BLZF1: variants seen among roughly 807,000 people sequenced by gnomAD.
BLZF1 encodes the protein basic leucine zipper nuclear factor 1.
Under a neutral mutation model 43.8 loss-of-function variants are expected in BLZF1, and 39 were observed. The ratio of observed to expected loss-of-function variants is 0.89; its 90% confidence interval spans 0.69 to 1.16. The LOEUF (loss-of-function observed/expected upper bound fraction) is 1.16. Ranked by LOEUF, BLZF1 falls within the 50% of genes most tolerant of loss-of-function variation. The probability of loss-of-function intolerance (pLI) is 0.00; values close to 1 mark genes in which losing one functional copy is unlikely to be tolerated. For missense variants in BLZF1, 449 were observed against 469.8 expected, an observed-to-expected ratio of 0.96 and a Z score of 0.41; for synonymous variants, 136 against 159.4, an observed-to-expected ratio of 0.85 and a Z score of 1.11.
At chr1:169,382,541 T>C (rs368586944) in intron 6 of BLZF1, among the ~76,000 whole-genome samples, 43 of 152,342 alleles carry the variant, frequency 2.8e-4, no homozygotes, top group African/African-American at 9.9e-4. Flanking sequence ...AAGTCACTGA[T>C]AATCCTTTTC....
intron 3 of BLZF1, 79 bp downstream of exon 3, chr1:169,377,058 A>G (rs765996168): frequency 1.8e-5 from 21 of 1,162,712 alleles, no homozygotes; most frequent in Non-Finnish European, 2.5e-5. Context: ...AGAAAACTAC[A>G]TTTCTTTATG....
intron 6 of BLZF1, 129 bp downstream of exon 6, chr1:169,382,410 G>C: frequency 2.7e-6 from 2 of 744,158 alleles, no homozygotes; most frequent in Non-Finnish European, 4.3e-6. Flanking sequence ...ATGCTATTGA[G>C]TGTGTTATCT....
intron 7 of BLZF1, among the ~76,000 whole-genome samples, chr1:169,394,448 ATAGT>A (rs774815703): frequency 2.0e-5 from 3 of 152,112 alleles, no homozygotes; most frequent in Non-Finnish European, 4.4e-5. Flanking sequence ...ATAGTACCCA[ATAGT>A]TAGTTTTTCA....
rs1557849139 is a variant in BLZF1 at position 169,380,507 on chromosome 1, C to G, written c.695C>G (p.Ser232Ter). 6.2e-7 allele frequency: 1 copy of G among 1,612,152 alleles called. No homozygotes were observed. Among genetic ancestry groups the G allele is most frequent in the Non-Finnish European group, 8.5e-7 (1 of 1,178,646 alleles). The change falls in exon 5 of 7, where the codon TCA becomes TGA. Residue 232 changes from serine to a stop codon, truncating the protein, a stop_gained. Coordinates refer to ENST00000367808, the MANE Select transcript of BLZF1 (RefSeq NM_001320973.2). LOFTEE classifies it high-confidence loss of function. ...SRVMADELTN[S>*]RAALQRQNRD... ...GTAATGGCAGATGAGTTAACCAACT[C>G]AAGAGCAGCTTTACAGCGTCAAAAC...
chr1:169,391,685 T>G (rs972748432), downstream of BLZF1, among the ~76,000 whole-genome samples: 42 of 152,336 alleles, frequency 2.8e-4, 1 homozygote, highest in Non-Finnish European at 4.6e-4. Flanking sequence ...TGCATTCATC[T>G]AAGGATGTAA....
At chr1:169,386,052 G>T (rs1654658283) in intron 6 of BLZF1, among the ~76,000 whole-genome samples, 1 of 152,172 alleles carries the variant, frequency 6.6e-6, no homozygotes, top group Non-Finnish European at 1.5e-5. Flanking sequence ...AGCCAGGCAC[G>T]TTATCCCTGC....
chr1:169,371,940 G>C (rs1412199471), intron 2 of BLZF1, among the ~76,000 whole-genome samples: 2 of 152,126 alleles, frequency 1.3e-5, no homozygotes, highest in Admixed American at 6.6e-5. Flanking sequence ...TTTGATAAAT[G>C]CTGTATTAAA....
Position 169,378,494 on chromosome 1 carries a change from G to C in BLZF1, c.633G>C (p.Gln211His), listed in dbSNP as rs760138829. 43 of 1,612,548 alleles carry C rather than the reference G, an allele frequency of 2.7e-5. 1 individual carries two copies. In the South Asian group the frequency reaches 4.7e-4, roughly 18 times the overall value. The change falls in exon 4 of 7, where the codon CAG (glutamine) becomes CAC (histidine). Residue 211 changes from glutamine to histidine, a missense_variant. Gln to His is a conservative substitution (Grantham distance 24, BLOSUM62 0). Coordinates refer to ENST00000367808, the MANE Select transcript of BLZF1 (RefSeq NM_001320973.2). Reference sequence around the variant, plus strand: ...AACAGTTAGAACGTATGTCAATACAGTGTGATGTATGGCGAAGTAAATTCC... The same window carrying C: ...AACAGTTAGAACGTATGTCAATACACTGTGATGTATGGCGAAGTAAATTCC... The part of the protein sequence containing the change: ...LSEQLERMSI[Q>H]CDVWRSKFLA...
intron 7 of BLZF1, among the ~76,000 whole-genome samples, chr1:169,395,420 T>C (rs1302624016): frequency 6.6e-6 from 1 of 152,236 alleles, no homozygotes; most frequent in Non-Finnish European, 1.5e-5. Flanking sequence ...ATGTTTGAAA[T>C]TGTCTGTCTT....
chr1:169,383,498 G>A (rs961940394), intron 6 of BLZF1, among the ~76,000 whole-genome samples: 30 of 152,156 alleles, frequency 2.0e-4, no homozygotes, highest in African/African-American at 6.5e-4. Context: ...TCTTGGACAA[G>A]TTGTCCAGAC....
In BLZF1 at chr1:169,376,958, C is replaced by A. The variant is rs1654376603; in HGVS notation, c.447C>A (p.Asn149Lys). Reference protein sequence around the residue: ...RLLQDKEGLSNQLRVQTEVNR... With the variant: ...RLLQDKEGLSKQLRVQTEVNR... ...TACAGGACAAAGAAGGTCTTTCAAA[C>A]CAGCTCCGTGTACAGACAGAGGTAA... is the stretch of plus-strand genomic sequence containing the variant. Residue 149 changes from asparagine to lysine, a missense_variant, in exon 3 of 7, where the codon AAC becomes AAA. Transcript: ENST00000367808. 6.2e-7 allele frequency: 1 copy of A among 1,612,790 alleles called. No individual in the cohort carries two copies. The highest frequency in any genetic ancestry group is 1.7e-5 in the Admixed American group (1 of 59,802).
chr1:169,388,878 T>C (rs1326261602), downstream of BLZF1, among the ~76,000 whole-genome samples: 1 of 152,066 alleles, frequency 6.6e-6, no homozygotes, highest in Non-Finnish European at 1.5e-5. Context: ...CCCAGCACTT[T>C]GGGAGGCCGA....
chr1:169,386,964 C>A, intron 6 of BLZF1, 33 bp from the exon 7 acceptor site: 1 of 1,491,096 alleles, frequency 6.7e-7, no homozygotes, highest in Non-Finnish European at 9.2e-7. Flanking sequence ...ATCTATATTG[C>A]ATACTTCTGA....
rs1571445502 is a variant in BLZF1, at chr1:169,387,362, G to A, written c.*180G>A. 1.9e-5 allele frequency: 10 copies of A among 526,882 alleles called. No individual in the cohort carries two copies. The East Asian group carries it at 3.1e-4, about 16-fold the overall frequency. The allele number at this position is 526,882 out of a possible 1,614,324, so 32.6% of individuals were successfully genotyped here. A position where few individuals can be genotyped will look rare whatever the true frequency, so the allele number is the denominator to read the frequency against. On this transcript the variant is annotated 3_prime_UTR_variant, in exon 7 of 7. Transcript: ENST00000367808. The stretch of plus-strand genomic sequence containing the variant: ...TACCCTTTCTTAATAAATATCTCAG[G>A]GTAAGGAAAGAAAGAAACTGTATAG...
downstream of BLZF1, among the ~76,000 whole-genome samples, chr1:169,391,114 G>A (rs1009970434): frequency 6.6e-5 from 10 of 152,076 alleles, no homozygotes; most frequent in East Asian, 3.8e-4. Context: ...AAGTGCACTC[G>A]GGCAAAACAG....
rs748305816 is a variant in BLZF1, at chr1:169,382,118, C to T, written c.854C>T (p.Pro285Leu). The T allele has an allele frequency of 6.2e-6, 10 of 1,613,824 alleles. No individual in the cohort carries two copies. In the South Asian group the frequency reaches 1.1e-4, roughly 18 times the overall value. Reference sequence around the variant, plus strand: ...TGGGGAAGAGAGCAAACTTACTCCCCTAGTGTACAACCCCACAGCACAGCA... The same window carrying T: ...TGGGGAAGAGAGCAAACTTACTCCCTTAGTGTACAACCCCACAGCACAGCA... The part of the protein sequence containing the change: ...LQWGREQTYS[P>L]SVQPHSTAEL... The change falls in exon 6 of 7, where the codon CCT becomes CTT. Residue 285 changes from proline (P) to leucine (L), a missense_variant. Coordinates refer to ENST00000367808, the MANE Select transcript of BLZF1 (RefSeq NM_001320973.2).
intron 7 of BLZF1, among the ~76,000 whole-genome samples, chr1:169,394,399 G>A (rs1654901656): frequency 6.6e-6 from 1 of 152,064 alleles, no homozygotes; most frequent in South Asian, 2.1e-4. Flanking sequence ...TGTTGCTGAG[G>A]GTCCGGGTAT....
At chr1:169,391,190 G>A (rs772271456), downstream of BLZF1, among the ~76,000 whole-genome samples, 5 of 152,190 alleles carry the variant, frequency 3.3e-5, no homozygotes, top group African/African-American at 4.8e-5. Context: ...ATTGCTTCCC[G>A]TGGCAGTGCC....
intron 1 of BLZF1, among the ~76,000 whole-genome samples, chr1:169,369,034 A>AT (rs1024412391): frequency 2.0e-5 from 3 of 152,080 alleles, no homozygotes; most frequent in Non-Finnish European, 2.9e-5. Context: ...CTTGAGTAAT[A>AT]TTTTTTGTCG....
Sources: gnomAD v4.1 joint callset for allele counts (sites outside exome capture counted in the v4.1 genomes callset) on GRCh38, gnomAD v4.1.1 for gene constraint, MANE v1.5 for transcripts, NCBI Gene and HGNC (gene_info 2026-07-23, HGNC 2026-07-21) for gene names.